The following E4F1 variants were observed in gnomAD, a reference collection of about 807,000 sequenced individuals.
E4F1 encodes transcription factor E4F1.
A neutral mutation model predicts 72.9 loss-of-function variants in E4F1; 30 were observed. The observed-to-expected ratio is 0.41, with a 90% CI of 0.31 to 0.56. E4F1 has a LOEUF of 0.56. E4F1 is among the 20% of genes least tolerant of loss of function. The pLI is 0.25. For synonymous variants in E4F1, 542 were observed against 478.2 expected, an observed-to-expected ratio of 1.13 and a Z score of -1.74; for missense variants, 1,091 against 1,117.5, an observed-to-expected ratio of 0.98 and a Z score of 0.34.
At chr16:2,233,285 G>T in intron 7 of E4F1, 102 bp downstream of exon 7, 1 of 1,484,916 alleles carries the variant, frequency 6.7e-7, no homozygotes, top group Non-Finnish European at 9.0e-7. Flanking sequence ...CCAGGCAGGC[G>T]AGGGCTGGGC....
At chr16:2,227,535 C>G (rs1374187537) in intron 1 of E4F1, among the ~76,000 whole-genome samples, 2 of 152,154 alleles carry the variant, frequency 1.3e-5, no homozygotes, top group African/African-American at 4.8e-5. Flanking sequence ...CCATGCCTGG[C>G]TAAGTTTTTT....
At chr16:2,227,136 C>G (rs951922392) in intron 1 of E4F1, among the ~76,000 whole-genome samples, 1 of 151,890 alleles carries the variant, frequency 6.6e-6, no homozygotes, top group Non-Finnish European at 1.5e-5. Flanking sequence ...CACCCCTGGG[C>G]TCAATCAATC....
In E4F1 at chr16:2,232,839, C is replaced by T. The variant is rs924472431; in HGVS notation, c.814C>T (p.Pro272Ser). 1.5e-5 allele frequency: 24 copies of T among 1,613,496 alleles called. No homozygotes were observed. The highest frequency in any genetic ancestry group is 2.2e-5 in the East Asian group (1 of 44,888). ...ALTRHLKSLT[P>S]CTEKIRFSVS... ...GACCCGGCACCTCAAGTCTCTCACC[C>T]CCTGCACAGAGAAAATCCGCTTCAG... Residue 272 changes from proline to serine, a missense_variant, in exon 6 of 14, where the codon CCC becomes TCC. Coordinates refer to ENST00000301727, the MANE Select transcript of E4F1 (RefSeq NM_004424.5).
Position 2,232,808 on chromosome 16 carries a change from T to C in E4F1, c.783T>C (p.Gly261=), listed in dbSNP as rs765020785. The C allele has an allele frequency of 1.2e-6, 2 of 1,613,362 alleles. No individual in the cohort carries two copies. The highest frequency in any genetic ancestry group is 1.1e-5 in the South Asian group (1 of 91,082). Residue 261 remains glycine (G), a synonymous_variant, in exon 6 of 14, where the codon GGT becomes GGC. Coordinates refer to ENST00000301727, the MANE Select transcript of E4F1 (RefSeq NM_004424.5). ...GTGGAAAGAGCTTCCGGGAGTCGGG[T>C]GCACTGACCCGGCACCTCAAGTCTC... ...SKCGKSFRES[G]ALTRHLKSLT...
At chr16:2,228,288 C>T (rs779330042) in intron 1 of E4F1, 84 bp from the exon 2 acceptor site, 1 of 1,567,412 alleles carries the variant, frequency 6.4e-7, no homozygotes, top group Non-Finnish European at 8.7e-7. Context: ...GGAATCTGTT[C>T]TAGGGCTGGA....
At chr16:2,226,017 CA>C (rs1351136785) in intron 1 of E4F1, among the ~76,000 whole-genome samples, 3 of 151,836 alleles carry the variant, frequency 2.0e-5, no homozygotes, top group Non-Finnish European at 2.9e-5. Context: ...GGCATGAGCC[CA>C]GGAGGCAGAG....
In E4F1 at chr16:2,235,411, A is replaced by G. The variant is rs2093501969; in HGVS notation, c.2194A>G (p.Ser732Gly). 2 of 1,612,070 alleles carry G rather than the reference A, an allele frequency of 1.2e-6. No homozygotes were observed. The highest frequency in any genetic ancestry group is 1.3e-5 in the African/African-American group (1 of 74,900). The change falls in exon 14 of 14, where the codon AGC becomes GGC. Residue 732 changes from serine (S) to glycine (G), a missense_variant. By Grantham distance (56) the Ser-to-Gly change is moderately conservative (BLOSUM62 0). Coordinates refer to ENST00000301727, the MANE Select transcript of E4F1 (RefSeq NM_004424.5). ...QVAMTLASAI[S>G]EGTVLAARAG... The stretch of plus-strand genomic sequence containing the variant: ...GGCCATGACGCTGGCCTCGGCCATC[A>G]GCGAGGGCACTGTGCTTGCCGCCCG...
Position 2,228,394 on chromosome 16 carries a change from C to T in E4F1, c.180C>T (p.Cys60=), listed in dbSNP as rs775691751. The T allele has an allele frequency of 3.0e-5, 49 of 1,613,686 alleles. No homozygotes were observed. The Admixed American group carries it at 4.2e-4, about 14-fold the overall frequency. Residue 60 remains cysteine, a synonymous_variant, in exon 2 of 14, where the codon TGC becomes TGT. Coordinates refer to ENST00000301727, the MANE Select transcript of E4F1 (RefSeq NM_004424.5). ...SEEDEDDVHR[C]GRCQAEFTAL... Reference sequence around the variant, plus strand: ...CAGATGAGGACGATGTGCACAGATGCGGCCGCTGCCAGGCAGAGTTCACCG... The same window carrying T: ...CAGATGAGGACGATGTGCACAGATGTGGCCGCTGCCAGGCAGAGTTCACCG...
rs26840 is a variant in E4F1, at chr16:2,235,356, C to G, written c.2139C>G (p.Ile713Met). The G allele has an allele frequency of 2.5e-6, 4 of 1,609,240 alleles. No individual in the cohort carries two copies. The highest frequency in any genetic ancestry group is 3.4e-6 in the Non-Finnish European group (4 of 1,179,828). ...PEAAAADTIT[I>M]ATPESLTEQV... ...CGGCTGCCGCCGACACCATCACCAT[C>G]GCCACCCCCGAGAGCCTGACAGAGC... is the stretch of plus-strand genomic sequence containing the variant. The change falls in exon 14 of 14, where the codon ATC becomes ATG. Residue 713 changes from isoleucine to methionine, a missense_variant. Transcript: ENST00000301727.
chr16:2,223,711 T>TGGCGGCGGC lies in E4F1; in HGVS notation c.99_107dup (p.Ala34_Ala36dup). ...GCGGGCGAGGGTGCAGTTGCGGCGG[T>TGGCGGCGGC]GGCGGCGGCCTTGGCCCCCAGCGGC... On this transcript the variant is annotated inframe_insertion, in exon 1 of 14. Transcript: ENST00000301727. The TGGCGGCGGC allele has an allele frequency of 1.9e-6, 3 of 1,559,882 alleles. No homozygotes were observed. The highest frequency in any genetic ancestry group is 2.6e-6 in the Non-Finnish European group (3 of 1,163,638).
Position 2,235,555 on chromosome 16 carries a change from C to A in E4F1, c.2338C>A (p.Gln780Lys). 1 of 1,598,094 alleles carries A rather than the reference C, an allele frequency of 6.3e-7. No homozygotes were observed. Among genetic ancestry groups the A allele is most frequent in the Non-Finnish European group, 8.5e-7 (1 of 1,170,006 alleles). ...IASPEGQLEV[Q>K]TVIV ...CTCGCCGGAGGGCCAGCTGGAGGTG[C>A]AGACGGTCATCGTCTAGCATGAGGT... The change falls in exon 14 of 14, where the codon CAG becomes AAG. Residue 780 changes from glutamine (Q) to lysine (K), a missense_variant. Coordinates refer to ENST00000301727, the MANE Select transcript of E4F1 (RefSeq NM_004424.5).
rs377234026 is a variant in E4F1 at position 2,233,850 on chromosome 16, C to T, written c.1267-32C>T. On this transcript the variant is annotated intron_variant, in intron 8 of 13. Transcript: ENST00000301727. ...GGTACTGCCAGGGCACAGCCTGCCC[C>T]GGGTGCTGGAGACCTTCCTGTGGTT... is the stretch of plus-strand genomic sequence containing the variant. 2,172 of 1,536,676 alleles carry T rather than the reference C, an allele frequency of 1.4e-3. 1 individual carries two copies. Among genetic ancestry groups the T allele is most frequent in the Admixed American group, 1.8e-3 (90 of 50,284 alleles).
At chr16:2,233,711 G>A (rs2093483705) in intron 8 of E4F1, 64 bp downstream of exon 8, 1 of 1,495,710 alleles carries the variant, frequency 6.7e-7, no homozygotes, top group South Asian at 1.2e-5. Flanking sequence ...TCCCCACGCT[G>A]GCCTTCGCCT....
chr16:2,226,079 C>T (rs1279919847), intron 1 of E4F1, among the ~76,000 whole-genome samples: 12 of 151,112 alleles, frequency 7.9e-5, no homozygotes, highest in Non-Finnish European at 1.8e-4. Context: ...GGCAACAAAG[C>T]GAGACTCCGC....
Position 2,229,586 on chromosome 16 carries a change from C to G in E4F1, c.326C>G (p.Pro109Arg). The G allele has an allele frequency of 1.2e-6, 2 of 1,611,694 alleles. No individual in the cohort carries two copies. The highest frequency in any genetic ancestry group is 2.2e-5 in the South Asian group (2 of 91,086). ...CTTTGGCAGGTGGTGCCGGCAGCAC[C>G]AGGCCCAGAGGAGCCCATCACTGTG... ...LLGQEVVPAA[P>R]GPEEPITVAH... is the part of the protein sequence containing the mutation. Residue 109 changes from proline to arginine, a missense_variant, in exon 3 of 14, where the codon CCA becomes CGA. Pro to Arg is a moderately radical substitution (Grantham distance 103). Transcript: ENST00000301727.
rs200831818 is a variant in E4F1, at chr16:2,223,675, C to A, written c.62C>A (p.Ala21Asp). 2.8e-4 allele frequency: 443 copies of A among 1,581,968 alleles called. 1 individual carries two copies. The African/African-American group carries it at 5.2e-3, about 19-fold the overall frequency. The change falls in exon 1 of 14, where the codon GCC (alanine) becomes GAC (aspartate). Residue 21 changes from alanine to aspartate, a missense_variant. Transcript: ENST00000301727. ...CATACGGCAGAAGCCCAGGCCGAAG[C>A]CGGGCGGGAAGCGGGCGAGGGTGCA... ...AAHTAEAQAE[A>D]GREAGEGAVA...
intron 1 of E4F1, 64 bp downstream of exon 1, chr16:2,223,834 C>A (rs1218645279): frequency 3.3e-6 from 5 of 1,531,094 alleles, no homozygotes; most frequent in East Asian, 2.5e-5. Context: ...CTGGCAGAGG[C>A]CCGGATGGCC....
chr16:2,223,866 C>T (rs1304493330), intron 1 of E4F1, 96 bp downstream of exon 1: 1 of 1,531,096 alleles, frequency 6.5e-7, no homozygotes, highest in Middle Eastern at 1.7e-4. Context: ...CTCGACCGAC[C>T]CTCCCAGACC....
chr16:2,235,126 G>C lies in E4F1; in HGVS notation c.1981G>C (p.Glu661Gln), dbSNP rs540780876. The C allele has an allele frequency of 6.2e-7, 1 of 1,612,120 alleles. No individual in the cohort carries two copies. Among genetic ancestry groups the C allele is most frequent in the African/African-American group, 1.3e-5 (1 of 74,886 alleles). ...AETSEATEII[E>Q]GTQTEVDSHI... ...GACCAGTGAGGCCACGGAGATCATC[G>C]AGGGCACCCAGACAGAGGTGAGGGG... is the stretch of plus-strand genomic sequence containing the variant. The change falls in exon 13 of 14, where the codon GAG becomes CAG. Residue 661 changes from glutamate (E) to glutamine (Q), a missense_variant. Transcript: ENST00000301727.
Sources: gnomAD v4.1 joint callset for allele counts (sites outside exome capture counted in the v4.1 genomes callset) on GRCh38, gnomAD v4.1.1 for gene constraint, MANE v1.5 for transcripts, NCBI Gene and HGNC (gene_info 2026-07-23, HGNC 2026-07-21) for gene names.